The following GRIK5 variants were observed in gnomAD, a reference collection of about 807,000 sequenced individuals.
The protein encoded by GRIK5 is glutamate ionotropic receptor kainate type subunit 5.
Under a neutral mutation model 97.4 loss-of-function variants are expected in GRIK5, and 43 were observed. The ratio of observed to expected loss-of-function variants is 0.44; its 90% confidence interval spans 0.35 to 0.57. The LOEUF is 0.57. Ranked by LOEUF, GRIK5 falls within the 20% of genes least tolerant of loss-of-function variation. The pLI is 0.01. For missense variants in GRIK5, 1,015 were observed against 1,382.0 expected (o/e 0.73, Z 4.21); for synonymous variants, 580 against 583.5 (o/e 0.99, Z 0.09).
intron 16 of GRIK5, 47 bp from the exon 17 acceptor site, chr19:42,005,995 G>T: frequency 1.0e-6 from 1 of 969,234 alleles, no homozygotes; most frequent in Non-Finnish European, 1.6e-6. Context: ...CTTTCCAGCC[G>T]CTTCCTTTCC....
In GRIK5 at chr19:42,062,359, G is replaced by C; in HGVS notation, c.508+129C>G. Reference sequence around the variant, plus strand: ...CAGAGGCCTCGGTTTCTGAAGATGGGAGAAGAGCCTGGTGCCTGGGTGCCC... The same window carrying C: ...CAGAGGCCTCGGTTTCTGAAGATGGCAGAAGAGCCTGGTGCCTGGGTGCCC... On this transcript the variant is annotated intron_variant, in intron 5 of 19. Coordinates refer to ENST00000593562, the MANE Select transcript of GRIK5 (RefSeq NM_002088.5). This position sits in a 1 kb window ranked among gnomAD's most constrained non-coding sequence, Gnocchi z 5.3. 1 of 842,234 alleles carries C rather than the reference G, an allele frequency of 1.2e-6. No individual in the cohort carries two copies. Among genetic ancestry groups the C allele is most frequent in the Non-Finnish European group, 1.8e-6 (1 of 544,742 alleles). The allele number at this position is 842,234 out of a possible 1,614,324, so 52.2% of individuals were successfully genotyped here. A position where few individuals can be genotyped will look rare whatever the true frequency, so the allele number is the denominator to read the frequency against.
At chr19:42,023,578 G>T (rs2075730054) in intron 12 of GRIK5, among the ~76,000 whole-genome samples, 1 of 152,140 alleles carries the variant, frequency 6.6e-6, no homozygotes, top group African/African-American at 2.4e-5. Flanking sequence ...GGGGCCAGGA[G>T]CTCAAGACCC....
intron 12 of GRIK5, among the ~76,000 whole-genome samples, chr19:42,030,257 C>A: frequency 6.6e-6 from 1 of 152,196 alleles, no homozygotes. Context: ...TCTTGGCTCA[C>A]TGCAACCTCT....
intron 15 of GRIK5, among the ~76,000 whole-genome samples, chr19:42,011,114 CTA>C (rs1372687740): frequency 2.0e-5 from 3 of 148,616 alleles, no homozygotes; most frequent in Non-Finnish European, 3.0e-5. Context: ...CATTTACTAT[CTA>C]ACACACACAC....
At chr19:42,025,856 T>C (rs1722920832) in intron 12 of GRIK5, among the ~76,000 whole-genome samples, 2 of 152,220 alleles carry the variant, frequency 1.3e-5, no homozygotes, top group South Asian at 2.1e-4. Context: ...CTTATGCCTG[T>C]TAACCCAGCA....
chr19:42,040,823 A>T (rs926295284), intron 12 of GRIK5, among the ~76,000 whole-genome samples: 1 of 152,154 alleles, frequency 6.6e-6, no homozygotes, highest in African/African-American at 2.4e-5. Flanking sequence ...GTGAGCAGAG[A>T]TCGTGCCATT....
rs1256986333 is a variant in GRIK5, at chr19:42,006,864, C to T, written c.1872-54G>A. On this transcript the variant is annotated intron_variant, in intron 15 of 19. Coordinates refer to ENST00000593562, the MANE Select transcript of GRIK5 (RefSeq NM_002088.5). The surrounding 1 kb of genome is among the most constrained non-coding windows in gnomAD (Gnocchi z 5.3). ...CTGGAGTCACCCCTGCTGACCTGCC[C>T]CCGTGGCCATGCCCCCCATTGGTGG... 1.7e-5 allele frequency: 24 copies of T among 1,408,706 alleles called. No individual in the cohort carries two copies. Among genetic ancestry groups the T allele is most frequent in the Non-Finnish European group, 2.0e-5 (21 of 1,044,374 alleles). The allele number at this position is 1,408,706 out of a possible 1,614,324, so 87.3% of individuals were successfully genotyped here. A position where few individuals can be genotyped will look rare whatever the true frequency, so the allele number is the denominator to read the frequency against.
chr19:42,004,451 G>A lies in GRIK5; in HGVS notation c.2264-768C>T, dbSNP rs148590040. ...CAACTACCACAGAACCAGAGACACG[G>A]GCAGATGAAAGTGATTAATATCTAC... On this transcript the variant is annotated intron_variant, in intron 17 of 19. Transcript: ENST00000593562. 1.6e-3 allele frequency among the ~76,000 whole-genome samples: 239 copies of A among 152,202 alleles called. 1 individual carries two copies. Among genetic ancestry groups the A allele is most frequent in the African/African-American group, 5.5e-3 (227 of 41,504 alleles).
rs778006843 is a variant in GRIK5, at chr19:42,022,024, G to A, written c.1620C>T (p.Asp540=). ...GRKPGYFSFL[D]PFSPAVWLFM... is the part of the protein sequence containing the mutation. Reference sequence around the variant, plus strand: ...AGAGCCACACAGCAGGGGAGAAGGGGTCCAGGAAGGAGAAGTAGCCAGGCT... The same window carrying A: ...AGAGCCACACAGCAGGGGAGAAGGGATCCAGGAAGGAGAAGTAGCCAGGCT... The change falls in exon 14 of 20, where the codon GAC becomes GAT. Residue 540 remains aspartate, a synonymous_variant. Coordinates refer to ENST00000593562, the MANE Select transcript of GRIK5 (RefSeq NM_002088.5). This position sits in a 1 kb window ranked among gnomAD's most constrained non-coding sequence, Gnocchi z 4.2. 1.9e-6 allele frequency: 3 copies of A among 1,613,850 alleles called. No homozygotes were observed. Among genetic ancestry groups the A allele is most frequent in the African/African-American group, 1.3e-5 (1 of 75,056 alleles).
At position 42,006,908 on chromosome 19, in the gene GRIK5, C is replaced by G. The variant is rs919497398; in HGVS notation, c.1872-98G>C. On this transcript the variant is annotated intron_variant, in intron 15 of 19. Transcript: ENST00000593562. The surrounding 1 kb of genome is among the most constrained non-coding windows in gnomAD (Gnocchi z 5.3). ...TTGGTGGTGCCCCTCCCAAGTGACC[C>G]CAGCATCTGGAAGACTCAGTGACTG... The G allele has an allele frequency of 2.4e-6, 2 of 841,424 alleles. No homozygotes were observed. The highest frequency in any genetic ancestry group is 3.6e-6 in the Non-Finnish European group (2 of 555,162). 52.1% of individuals were successfully genotyped at this position (841,424 alleles called of 1,614,324 possible). A position where few individuals can be genotyped will look rare whatever the true frequency, so the allele number is the denominator to read the frequency against.
In GRIK5 at chr19:42,028,514, G is replaced by A. The variant is rs369803713; in HGVS notation, c.1474-6160C>T. ...ACCTTCTGCCCCTCCTGGCAGCATC[G>A]TTTCTTCTCCTGGCAGCAGATGAAT... On this transcript the variant is annotated intron_variant, in intron 12 of 19. Coordinates refer to ENST00000593562, the MANE Select transcript of GRIK5 (RefSeq NM_002088.5). Among the ~76,000 whole-genome samples the A allele has an allele frequency of 9.7e-4, 148 of 152,322 alleles. 5 individuals are homozygous for A. In the South Asian group the frequency reaches 0.029, roughly 30 times the overall value.
Position 42,021,273 on chromosome 19 carries a change from G to T in GRIK5, c.1871+28C>A. On this transcript the variant is annotated intron_variant, in intron 15 of 19. Transcript: ENST00000593562. The surrounding 1 kb of genome is among the most constrained non-coding windows in gnomAD (Gnocchi z 4.2). ...CTCAGATGGGTCCCTCCCTCGCCCC[G>T]GGCAGAGGCAGATAGAAAGCTTCTC... The T allele has an allele frequency of 6.3e-7, 1 of 1,596,568 alleles. No individual in the cohort carries two copies.
At chr19:42,053,561 A>T in intron 11 of GRIK5, 41 bp downstream of exon 11, 1 of 1,185,978 alleles carries the variant, frequency 8.4e-7, no homozygotes, top group Non-Finnish European at 1.3e-6. Flanking sequence ...GACTGGGCTC[A>T]GGGCAGCGCC....
At position 42,062,485 on chromosome 19, in the gene GRIK5, C is replaced by A. The variant is rs145384113; in HGVS notation, c.508+3G>T. 1.2e-6 allele frequency: 2 copies of A among 1,614,008 alleles called. No individual in the cohort carries two copies. Among genetic ancestry groups the A allele is most frequent in the East Asian group, 4.5e-5 (2 of 44,872 alleles). On this transcript the variant is annotated splice_donor_region_variant and intron_variant, in intron 5 of 19. Coordinates refer to ENST00000593562, the MANE Select transcript of GRIK5 (RefSeq NM_002088.5). The surrounding 1 kb of genome is among the most constrained non-coding windows in gnomAD (Gnocchi z 5.3). Reference sequence around the variant, plus strand: ...GAAAACAAAACATTCAGTTCTCCCTCACACTCAGCCTTGGCGCAGATGAGG... The same window carrying A: ...GAAAACAAAACATTCAGTTCTCCCTAACACTCAGCCTTGGCGCAGATGAGG...
chr19:42,060,951 C>A (rs967263580), intron 5 of GRIK5, among the ~76,000 whole-genome samples: 3 of 152,214 alleles, frequency 2.0e-5, no homozygotes, highest in African/African-American at 7.2e-5. Context: ...CAAGTCCTCT[C>A]CTCAGAATGT....
chr19:42,022,073 T>G lies in GRIK5; in HGVS notation c.1588-17A>C. 6.3e-7 allele frequency: 1 copy of G among 1,574,992 alleles called. No individual in the cohort carries two copies. Among genetic ancestry groups the G allele is most frequent in the Non-Finnish European group, 8.7e-7 (1 of 1,148,682 alleles). ...CTTGCGGCCCTGTGGGGAGAGGGAGTGAGACCCGGAGACACCCCTGGCCTG... is the reference window on the plus strand; with the variant it reads ...CTTGCGGCCCTGTGGGGAGAGGGAGGGAGACCCGGAGACACCCCTGGCCTG... On this transcript the variant is annotated splice_polypyrimidine_tract_variant and intron_variant, in intron 13 of 19. Coordinates refer to ENST00000593562, the MANE Select transcript of GRIK5 (RefSeq NM_002088.5). This position sits in a 1 kb window ranked among gnomAD's most constrained non-coding sequence, Gnocchi z 4.2.
intron 19 of GRIK5, among the ~76,000 whole-genome samples, chr19:42,001,508 C>T (rs1346938474): frequency 2.6e-5 from 4 of 152,170 alleles, no homozygotes; most frequent in African/African-American, 9.7e-5. Context: ...GGATTACAGG[C>T]GTGAGCCACC....
rs1038613720 is a variant in GRIK5, at chr19:42,059,363, G to A, written c.673C>T (p.Leu225Phe). Residue 225 changes from leucine to phenylalanine, a missense_variant, in exon 6 of 20, where the codon CTC becomes TTC. Physicochemically the swap from Leu to Phe is conservative, Grantham distance 22 (BLOSUM62 0). This residue lies in a region of GRIK5 where 477 missense variants were observed against 701.1 expected (regional missense o/e 0.68). Coordinates refer to ENST00000593562, the MANE Select transcript of GRIK5 (RefSeq NM_002088.5). The part of the protein sequence containing the change: ...IIDANASISH[L>F]ILRKASELGM... The stretch of plus-strand genomic sequence containing the variant: ...AGGGGCCTCACCTTACGGAGGATGA[G>A]GTGGGAGATGGAGGCGTTGGCGTCG... 2 of 1,613,140 alleles carry A rather than the reference G, an allele frequency of 1.2e-6. No individual in the cohort carries two copies. The highest frequency in any genetic ancestry group is 1.7e-6 in the Non-Finnish European group (2 of 1,179,316).
chr19:42,026,927 C>A (rs2075779062), intron 12 of GRIK5, among the ~76,000 whole-genome samples: 1 of 152,062 alleles, frequency 6.6e-6, no homozygotes, highest in South Asian at 2.1e-4. Context: ...CCTAACTACA[C>A]CTATCACCTC....
Sources: allele counts gnomAD v4.1 joint callset (sites outside exome capture counted in the v4.1 genomes callset), GRCh38; gene constraint gnomAD v4.1.1; regional missense constraint gnomAD v4.1.1; non-coding constraint Gnocchi (gnomAD v3.1); transcripts MANE v1.5; gene names NCBI Gene and HGNC (gene_info 2026-07-23, HGNC 2026-07-21).